NPLOC4: variants seen among roughly 807,000 people sequenced by gnomAD.
The protein encoded by NPLOC4 is nuclear protein localization protein 4 homolog.
NPLOC4 carries 18 observed loss-of-function variants against 80.6 expected under a neutral mutation model. That is an observed-to-expected ratio of 0.22 (90% confidence interval 0.15 to 0.33). NPLOC4 has a LOEUF of 0.33. Among genes scored for constraint, NPLOC4 ranks in the 10% least tolerant of loss-of-function variants. The probability of loss-of-function intolerance (pLI) is 1.00; values close to 1 mark genes in which losing one functional copy is unlikely to be tolerated. For synonymous variants in NPLOC4, 313 were observed against 301.5 expected, an observed-to-expected ratio of 1.04 and a Z score of -0.39; for missense variants, 540 against 786.1, an observed-to-expected ratio of 0.69 and a Z score of 3.74.
At chr17:81,565,052 C>T (rs2033968545) in intron 16 of NPLOC4, 2 of 506,096 alleles carry the variant, frequency 4.0e-6, no homozygotes, top group South Asian at 5.0e-5. Flanking sequence ...CACGCAATGC[C>T]TGCGGTCCGT....
At chr17:81,598,090 G>A (rs1183118067) in intron 9 of NPLOC4, among the ~76,000 whole-genome samples, 2 of 110,476 alleles carry the variant, frequency 1.8e-5, no homozygotes, top group African/African-American at 6.7e-5. Context: ...GCAAGACTCT[G>A]TCTCAAAAAA....
intron 4 of NPLOC4, among the ~76,000 whole-genome samples, chr17:81,611,538 C>T (rs56167198): frequency 2.0e-5 from 3 of 151,168 alleles, no homozygotes; most frequent in South Asian, 2.1e-4. Context: ...TTAGTAGAGA[C>T]GGGATTTCAC....
At chr17:81,610,173 C>T (rs564674950) in intron 5 of NPLOC4, 37 bp downstream of exon 5, 3 of 1,553,702 alleles carry the variant, frequency 1.9e-6, no homozygotes, top group South Asian at 1.2e-5. Flanking sequence ...CGCAGCCCCC[C>T]ACACTGGCCC....
chr17:81,597,408 T>C lies in NPLOC4; in HGVS notation c.922-92A>G, dbSNP rs917312080. ...ACTCACGCCTATAATCACAGCACTT[T>C]GAGAGGCCGAGGCAGGAGAATCACG... On this transcript the variant is annotated intron_variant, in intron 9 of 16. Coordinates refer to ENST00000331134, the MANE Select transcript of NPLOC4 (RefSeq NM_017921.4). The C allele has an allele frequency of 4.1e-6, 4 of 966,984 alleles. No individual in the cohort carries two copies. In the Admixed American group the frequency reaches 7.1e-5, roughly 17 times the overall value. 59.9% of individuals were successfully genotyped at this position (966,984 alleles called of 1,614,324 possible).
chr17:81,564,159 A>G, intron 16 of NPLOC4: 1 of 254,446 alleles, frequency 3.9e-6, no homozygotes, highest in South Asian at 3.1e-5. Context: ...TACTATGTGT[A>G]GTACCTGGGT....
At position 81,598,531 on chromosome 17, in the gene NPLOC4, T is replaced by G. The variant is rs1347707949; in HGVS notation, c.922-1215A>C. Among the ~76,000 whole-genome samples, 3 of 152,304 alleles carry G rather than the reference T, an allele frequency of 2.0e-5. No individual in the cohort carries two copies. In the East Asian group the frequency reaches 5.8e-4, roughly 29 times the overall value. ...ACATAATACAAAAGGGGTAATATAA[T>G]GCAGACTTCACACAGCTGCTCCTGG... On this transcript the variant is annotated intron_variant, in intron 9 of 16. Transcript: ENST00000331134.
chr17:81,631,440 T>A (rs56050665), intron 1 of NPLOC4, among the ~76,000 whole-genome samples: 6,203 of 29,634 alleles, frequency 0.21, 368 homozygotes, highest in African/African-American at 0.42. Flanking sequence ...ATATATATTT[T>A]TTTTTTTTTT....
At chr17:81,590,606 A>G (rs1260607573) in intron 11 of NPLOC4, among the ~76,000 whole-genome samples, 1 of 152,164 alleles carries the variant, frequency 6.6e-6, no homozygotes, top group Non-Finnish European at 1.5e-5. Flanking sequence ...TCAGCTTCCC[A>G]AAGAGCTGGA....
intron 16 of NPLOC4, 39 bp from the exon 17 acceptor site, chr17:81,559,455 G>T (rs944415580): frequency 5.1e-6 from 8 of 1,572,652 alleles, no homozygotes; most frequent in Non-Finnish European, 6.9e-6. Context: ...ATCATTTCTG[G>T]CCCACCAGAG....
rs28658175 is a variant in NPLOC4, at chr17:81,590,189, T to C, written c.1121-1085A>G. Among the ~76,000 whole-genome samples the C allele has an allele frequency of 5.9e-3, 896 of 152,326 alleles. 14 individuals are homozygous for C. Among genetic ancestry groups the C allele is most frequent in the African/African-American group, 0.021 (864 of 41,562 alleles). ...CACAGTGTGGAGGTGCAGGTGCCAC[T>C]CCACGGCCGTGGGCAGACCTGGGAG... On this transcript the variant is annotated intron_variant, in intron 11 of 16. Transcript: ENST00000331134.
rs1304126822 is a variant in NPLOC4, at chr17:81,572,821, TACTC to T, written c.1282-737_1282-734del. 1.3e-5 allele frequency among the ~76,000 whole-genome samples: 2 copies of T among 152,208 alleles called. No homozygotes were observed. Among genetic ancestry groups the T allele is most frequent in the African/African-American group, 4.8e-5 (2 of 41,456 alleles). On this transcript the variant is annotated intron_variant, in intron 12 of 16. Coordinates refer to ENST00000331134, the MANE Select transcript of NPLOC4 (RefSeq NM_017921.4). This position sits in a 1 kb window ranked among gnomAD's most constrained non-coding sequence, Gnocchi z 4.5. ...GTCTGAATGCTAACTCTTAGAATCT[TACTC>T]ACACCTCTGAAAACCCGACTTTCCA... is the stretch of plus-strand genomic sequence containing the variant.
At chr17:81,587,679 T>TC (rs1223037155) in intron 12 of NPLOC4, among the ~76,000 whole-genome samples, 1 of 144,064 alleles carries the variant, frequency 6.9e-6, no homozygotes, top group East Asian at 2.0e-4. Flanking sequence ...AAGTTGTTTT[T>TC]TTTTTTTTTT....
At chr17:81,624,333 G>C (rs866198191) in intron 2 of NPLOC4, among the ~76,000 whole-genome samples, 1 of 152,136 alleles carries the variant, frequency 6.6e-6, no homozygotes, top group African/African-American at 2.4e-5. Context: ...CAAGAGAATT[G>C]CTTGAAACCA....
intron 4 of NPLOC4, among the ~76,000 whole-genome samples, chr17:81,612,241 T>C (rs905461162): frequency 6.6e-6 from 1 of 152,112 alleles, no homozygotes; most frequent in Non-Finnish European, 1.5e-5. Context: ...TCAGACCCCT[T>C]TCTAAGTGGG....
chr17:81,622,281 A>G lies in NPLOC4; in HGVS notation c.97-3T>C, dbSNP rs776793618. The G allele has an allele frequency of 6.9e-6, 11 of 1,603,612 alleles. No individual in the cohort carries two copies. The highest frequency in any genetic ancestry group is 9.4e-6 in the Non-Finnish European group (11 of 1,170,606). On this transcript the variant is annotated splice_region_variant and splice_polypyrimidine_tract_variant and intron_variant, in intron 2 of 16. Coordinates refer to ENST00000331134, the MANE Select transcript of NPLOC4 (RefSeq NM_017921.4). ...TGGAAGCCAAACTCCTTTGCAACCT[A>G]AAACAAGGCCCAAAGAACAGAAATT...
At chr17:81,633,996 T>C (rs1486741454) in intron 1 of NPLOC4, among the ~76,000 whole-genome samples, 3 of 151,910 alleles carry the variant, frequency 2.0e-5, no homozygotes, top group Non-Finnish European at 4.4e-5. Context: ...CCTGAGTGGC[T>C]GGGACTACAG....
At chr17:81,599,330 G>A (rs2035006003) in intron 9 of NPLOC4, among the ~76,000 whole-genome samples, 2 of 152,178 alleles carry the variant, frequency 1.3e-5, no homozygotes, top group Admixed American at 1.3e-4. Flanking sequence ...CTTGTGTCTT[G>A]CAGAAAATTA....
chr17:81,607,471 CA>C (rs2035237828), intron 6 of NPLOC4, among the ~76,000 whole-genome samples: 1 of 151,398 alleles, frequency 6.6e-6, no homozygotes, highest in Non-Finnish European at 1.5e-5. Context: ...GATATATTTA[CA>C]GTGTACGAAA....
At chr17:81,596,556 ACT>A (rs2034913033) in intron 10 of NPLOC4, among the ~76,000 whole-genome samples, 8 of 152,300 alleles carry the variant, frequency 5.3e-5, no homozygotes, top group African/African-American at 1.7e-4. Context: ...ACACAGCAAG[ACT>A]CTGTCTCAAA....
Sources: allele counts gnomAD v4.1 joint callset (sites outside exome capture counted in the v4.1 genomes callset), GRCh38; gene constraint gnomAD v4.1.1; non-coding constraint Gnocchi (gnomAD v3.1); transcripts MANE v1.5; gene names NCBI Gene and HGNC (gene_info 2026-07-23, HGNC 2026-07-21).